The following BRINP1 variants were observed in gnomAD, a reference collection of about 807,000 sequenced individuals.
BRINP1 encodes the protein BMP/retinoic acid inducible neural specific 1, also known as BMP/retinoic acid-inducible neural-specific protein 1.
Under a neutral mutation model 72.9 loss-of-function variants are expected in BRINP1, and 17 were observed. The observed-to-expected ratio is 0.23, with a 90% confidence interval of 0.16 to 0.35. BRINP1 has a LOEUF of 0.35. Ranked by LOEUF, BRINP1 falls within the 10% of genes least tolerant of loss-of-function variation. The pLI, the probability that BRINP1 is intolerant of heterozygous loss-of-function variation, is 1.00. For synonymous variants in BRINP1, 418 were observed against 378.5 expected (o/e 1.10, Z -1.21); for missense variants, 850 against 1,001.6 (o/e 0.85, Z 2.04).
intron 7 of BRINP1, among the ~76,000 whole-genome samples, chr9:119,168,602 T>G (rs1829350569): frequency 6.6e-6 from 1 of 152,236 alleles, no homozygotes; most frequent in Non-Finnish European, 1.5e-5. Flanking sequence ...GACAACATAT[T>G]GTAAACAATC....
In BRINP1 at chr9:119,214,173, G is replaced by T. The variant is rs766034693; in HGVS notation, c.686-18C>A. 8.9e-6 allele frequency: 14 copies of T among 1,573,572 alleles called. No homozygotes were observed. Among genetic ancestry groups the T allele is most frequent in the Non-Finnish European group, 1.2e-5 (14 of 1,144,168 alleles). The stretch of plus-strand genomic sequence containing the variant: ...CTGAAGACCTGTGTGAGAATAGCAA[G>T]AAGGGAAAACAGAAAGGTTTAAAAA... On this transcript the variant is annotated intron_variant, in intron 5 of 7. Coordinates refer to ENST00000265922, the MANE Select transcript of BRINP1 (RefSeq NM_014618.3).
chr9:119,282,978 G>T, intron 2 of BRINP1: 5 of 985,266 alleles, frequency 5.1e-6, no homozygotes, highest in Non-Finnish European at 6.0e-6. Context: ...CAAAGTTATC[G>T]CCCTCACTGA....
intron 5 of BRINP1, among the ~76,000 whole-genome samples, chr9:119,228,344 T>C (rs1161162973): frequency 2.6e-5 from 4 of 152,070 alleles, no homozygotes; most frequent in Non-Finnish European, 4.4e-5. Context: ...ATAATTCCTA[T>C]GCCCATGGCA....
At chr9:119,238,579 T>A in intron 5 of BRINP1, 76 bp downstream of exon 5, 1 of 861,060 alleles carries the variant, frequency 1.2e-6, no homozygotes, top group Non-Finnish European at 1.9e-6. Flanking sequence ...ACTCCATCCC[T>A]CCTGATCCCC....
intron 1 of BRINP1, among the ~76,000 whole-genome samples, chr9:119,364,706 A>G (rs1174915546): frequency 6.6e-6 from 1 of 152,210 alleles, no homozygotes; most frequent in Non-Finnish European, 1.5e-5. Flanking sequence ...CCTGGGCTTC[A>G]CTTTCCTCTT....
chr9:119,222,975 T>A (rs756101663), intron 5 of BRINP1, among the ~76,000 whole-genome samples: 4 of 152,054 alleles, frequency 2.6e-5, no homozygotes, highest in East Asian at 1.9e-4. Flanking sequence ...TGCTACCTGA[T>A]CCCTGGATCA....
intron 6 of BRINP1, among the ~76,000 whole-genome samples, chr9:119,211,359 G>A (rs1028626585): frequency 1.3e-5 from 2 of 152,052 alleles, no homozygotes; most frequent in South Asian, 2.1e-4. Context: ...CGCCACACCC[G>A]GCTAATTTTG....
intron 7 of BRINP1, among the ~76,000 whole-genome samples, chr9:119,195,542 T>C (rs1285000731): frequency 6.6e-6 from 1 of 152,336 alleles, no homozygotes; most frequent in East Asian, 1.9e-4. Context: ...TTTAAAGTAA[T>C]CTATACATAA....
intron 2 of BRINP1, among the ~76,000 whole-genome samples, chr9:119,256,783 G>A (rs1345733047): frequency 1.2e-4 from 18 of 152,170 alleles, no homozygotes; most frequent in Non-Finnish European, 2.1e-4. Context: ...TCTATAGGGC[G>A]CACTGGATAA....
Position 119,187,214 on chromosome 9 carries a change from C to A in BRINP1, c.1146-18990G>T, listed in dbSNP as rs544976533. On this transcript the variant is annotated intron_variant, in intron 7 of 7. Transcript: ENST00000265922. ...AGACACTGATCATAGGACCCCAGTT[C>A]CATTGCCACTCTAAGCACCTGTGTC... 6.6e-5 allele frequency among the ~76,000 whole-genome samples: 10 copies of A among 151,984 alleles called. No homozygotes were observed. The East Asian group carries it at 1.9e-3, about 30-fold the overall frequency.
chr9:119,225,129 C>T (rs1484130295), intron 5 of BRINP1, among the ~76,000 whole-genome samples: 2 of 151,890 alleles, frequency 1.3e-5, no homozygotes, highest in Admixed American at 6.6e-5. Context: ...GTGGAAACAA[C>T]CCTAAATGTC....
At chr9:119,203,139 C>T (rs1324952178) in intron 7 of BRINP1, among the ~76,000 whole-genome samples, 1 of 152,146 alleles carries the variant, frequency 6.6e-6, no homozygotes, top group Non-Finnish European at 1.5e-5. Context: ...ACCAGGGCGT[C>T]CCAAACCCAG....
At chr9:119,241,515 T>C (rs548151291) in intron 4 of BRINP1, among the ~76,000 whole-genome samples, 7 of 152,364 alleles carry the variant, frequency 4.6e-5, no homozygotes, top group Admixed American at 6.5e-5. Flanking sequence ...CTGCTGGTCT[T>C]GAGAGCAGAG....
At chr9:119,336,454 A>C (rs763405387) in intron 1 of BRINP1, among the ~76,000 whole-genome samples, 6 of 152,158 alleles carry the variant, frequency 3.9e-5, no homozygotes, top group Admixed American at 6.6e-5. Context: ...TCCGAGAGCA[A>C]TCACGCTGTA....
chr9:119,245,255 G>A (rs1039867363), intron 3 of BRINP1, among the ~76,000 whole-genome samples: 17 of 152,176 alleles, frequency 1.1e-4, no homozygotes, highest in Non-Finnish European at 1.6e-4. Flanking sequence ...ATGTGTACAC[G>A]TGTGTGCAAT....
intron 3 of BRINP1, among the ~76,000 whole-genome samples, chr9:119,242,777 A>C (rs1180319976): frequency 6.6e-6 from 1 of 152,170 alleles, no homozygotes; most frequent in Non-Finnish European, 1.5e-5. Context: ...TGTTTAAATA[A>C]ATTTAGATGC....
Position 119,247,259 on chromosome 9 carries a change from TACTTA to T in BRINP1, c.409+1696_409+1700del, listed in dbSNP as rs765705351. On this transcript the variant is annotated intron_variant, in intron 3 of 7. Transcript: ENST00000265922. Reference sequence around the variant, plus strand: ...ACTAATGATTTCATATTCAAAGTCCTACTTAACTTAATATCTAACTGGCAACAGAC... The same window carrying T: ...ACTAATGATTTCATATTCAAAGTCCTACTTAATATCTAACTGGCAACAGAC... 8.1e-4 allele frequency among the ~76,000 whole-genome samples: 123 copies of T among 152,314 alleles called. 1 individual carries two copies. Among genetic ancestry groups the T allele is most frequent in the Admixed American group, 4.3e-3 (66 of 15,290 alleles).
At position 119,223,395 on chromosome 9, in the gene BRINP1, CATT is replaced by C. The variant is rs546588213; in HGVS notation, c.686-9243_686-9241del. ...TAGTACAGGGTAGTTGTTTAAGTGACATTATTTTCTGACCTTGCCCTGTTTTCT... is the reference window on the plus strand; with the variant it reads ...TAGTACAGGGTAGTTGTTTAAGTGACATTTTCTGACCTTGCCCTGTTTTCT... On this transcript the variant is annotated intron_variant, in intron 5 of 7. Coordinates refer to ENST00000265922, the MANE Select transcript of BRINP1 (RefSeq NM_014618.3). 1.6e-3 allele frequency among the ~76,000 whole-genome samples: 242 copies of C among 152,092 alleles called. 1 individual carries two copies. The highest frequency in any genetic ancestry group is 5.5e-3 in the African/African-American group (230 of 41,526).
intron 3 of BRINP1, among the ~76,000 whole-genome samples, chr9:119,248,033 TGA>T (rs932262531): frequency 7.2e-5 from 11 of 152,300 alleles, no homozygotes; most frequent in African/African-American, 2.4e-4. Context: ...CAGCTCCTGG[TGA>T]ACAAAACTGT....
Sources: allele counts gnomAD v4.1 joint callset (sites outside exome capture counted in the v4.1 genomes callset), GRCh38; gene constraint gnomAD v4.1.1; transcripts MANE v1.5; gene names NCBI Gene and HGNC (gene_info 2026-07-23, HGNC 2026-07-21).